RRM2B: variants seen among roughly 807,000 people sequenced by gnomAD.
RRM2B encodes the protein ribonucleoside-diphosphate reductase subunit M2 B.
Under a neutral mutation model 45.9 loss-of-function variants are expected in RRM2B, and 20 were observed. The observed-to-expected ratio is 0.44, with a 90% CI of 0.31 to 0.63. The LOEUF (loss-of-function observed/expected upper bound fraction) is 0.63. Among genes scored for constraint, RRM2B ranks in the 30% least tolerant of loss-of-function variants. RRM2B has a pLI of 0.09. For missense variants in RRM2B, 320 were observed against 414.7 expected, an observed-to-expected ratio of 0.77 and a Z score of 1.98; for synonymous variants, 124 against 132.3, an observed-to-expected ratio of 0.94 and a Z score of 0.43.
At position 102,213,916 on chromosome 8, in the gene RRM2B, T is replaced by C. The variant is rs1016366789; in HGVS notation, c.789+138A>G. 8 of 684,688 alleles carry C rather than the reference T, an allele frequency of 1.2e-5. No individual in the cohort carries two copies. The East Asian group carries it at 1.6e-4, about 14-fold the overall frequency. 42.4% of individuals were successfully genotyped at this position (684,688 alleles called of 1,614,324 possible). Reference sequence around the variant, plus strand: ...GACATAATAATTGTAATATATCATGTATTGGTATTGTCAGGCTGACCAGAA... The same window carrying C: ...GACATAATAATTGTAATATATCATGCATTGGTATTGTCAGGCTGACCAGAA... On this transcript the variant is annotated intron_variant, in intron 7 of 8. Transcript: ENST00000251810.
At chr8:102,238,606 A>G (rs1811167977) in intron 1 of RRM2B, 1 of 1,527,964 alleles carries the variant, frequency 6.5e-7, no homozygotes, top group East Asian at 2.5e-5. Context: ...CCCGGGGCAG[A>G]GCAGCGAGCG....
chr8:102,220,861 A>G (rs1202007899), intron 5 of RRM2B, among the ~76,000 whole-genome samples: 1 of 152,208 alleles, frequency 6.6e-6, no homozygotes, highest in African/African-American at 2.4e-5. Context: ...ACATTTTACA[A>G]TTTTTTGAGA....
intron 6 of RRM2B, among the ~76,000 whole-genome samples, chr8:102,216,062 A>C (rs2132547097): frequency 6.6e-6 from 1 of 152,102 alleles, no homozygotes; most frequent in African/African-American, 2.4e-5. Context: ...AAACTATAAT[A>C]ATTAAAATGG....
At position 102,224,933 on chromosome 8, in the gene RRM2B, T is replaced by C; in HGVS notation, c.407A>G (p.Glu136Gly). 1 of 1,613,944 alleles carries C rather than the reference T, an allele frequency of 6.2e-7. No individual in the cohort carries two copies. Among genetic ancestry groups the C allele is most frequent in the Non-Finnish European group, 8.5e-7 (1 of 1,179,818 alleles). Reference protein sequence around the residue: ...FQILIENVHSEMYSLLIDTYI... With the variant: ...FQILIENVHSGMYSLLIDTYI... The stretch of plus-strand genomic sequence containing the variant: ...AGTGTCTATCAGCAAACTGTACATC[T>C]CTGAGTGAACATTCTCGATGAGAAT... Residue 136 changes from glutamate to glycine, a missense_variant, in exon 4 of 9, where the codon GAG (glutamate) becomes GGG (glycine). Transcript: ENST00000251810.
intron 1 of RRM2B, chr8:102,238,386 G>A: frequency 4.5e-6 from 2 of 442,742 alleles, no homozygotes. Context: ...AGCCACCTGT[G>A]TCAATTTCCA....
intron 2 of RRM2B, among the ~76,000 whole-genome samples, chr8:102,230,325 A>C (rs986079294): frequency 1.1e-4 from 16 of 152,262 alleles, no homozygotes. Flanking sequence ...CAGAACACGT[A>C]CCAACCTGTA....
intron 6 of RRM2B, among the ~76,000 whole-genome samples, chr8:102,217,327 T>C (rs1364121600): frequency 6.6e-6 from 1 of 152,048 alleles, no homozygotes; most frequent in Non-Finnish European, 1.5e-5. Context: ...AAACAGTAAA[T>C]GTAGTTCTCT....
chr8:102,212,976 C>G (rs1354999353), intron 7 of RRM2B, 87 bp from the exon 8 acceptor site: 2 of 750,428 alleles, frequency 2.7e-6, no homozygotes, highest in Non-Finnish European at 4.8e-6. Context: ...CGTTTTATTT[C>G]TAAGACTGAT....
intron 4 of RRM2B, among the ~76,000 whole-genome samples, 186 bp downstream of exon 4, chr8:102,224,699 A>G (rs1810896350): frequency 6.6e-6 from 1 of 152,212 alleles, no homozygotes; most frequent in Non-Finnish European, 1.5e-5. Flanking sequence ...TAAAATATCT[A>G]AAGGTTAACT....
chr8:102,222,080 A>ATT (rs5893602), intron 5 of RRM2B, among the ~76,000 whole-genome samples: 17 of 143,382 alleles, frequency 1.2e-4, no homozygotes, highest in Non-Finnish European at 1.5e-4. Flanking sequence ...TCCTATTTAA[A>ATT]TTTTTTTTTT....
chr8:102,218,921 C>G lies in RRM2B; in HGVS notation c.577G>C (p.Val193Leu). ...FGERVVAFAA[V>L]EGVFFSGSFA... ...GATCCTGAGAAGAAAACTCCTTCTA[C>G]AGCAGCAAAGGCCACCACTCTTTCC... The change falls in exon 6 of 9, where the codon GTA becomes CTA. Residue 193 changes from valine (V) to leucine (L), a missense_variant. Coordinates refer to ENST00000251810, the MANE Select transcript of RRM2B (RefSeq NM_015713.5). The G allele has an allele frequency of 6.2e-7, 1 of 1,612,968 alleles. No individual in the cohort carries two copies. Among genetic ancestry groups the G allele is most frequent in the Non-Finnish European group, 8.5e-7 (1 of 1,179,282 alleles).
In RRM2B at chr8:102,208,082, G is replaced by T. The variant is rs537633418; in HGVS notation, c.*51C>A. ...AATTTTTTTTAAGCAGAGGAAAATAGACTACTATTTACCAATGACAAGTTT... is the reference window on the plus strand; with the variant it reads ...AATTTTTTTTAAGCAGAGGAAAATATACTACTATTTACCAATGACAAGTTT... On this transcript the variant is annotated 3_prime_UTR_variant, in exon 9 of 9. Transcript: ENST00000251810. 55 of 1,505,826 alleles carry T rather than the reference G, an allele frequency of 3.7e-5. No homozygotes were observed. The South Asian group carries it at 6.0e-4, about 16-fold the overall frequency. The allele number at this position is 1,505,826 out of a possible 1,614,324, so 93.3% of individuals were successfully genotyped here.
At chr8:102,225,449 G>A (rs1390114214) in intron 3 of RRM2B, among the ~76,000 whole-genome samples, 1 of 151,916 alleles carries the variant, frequency 6.6e-6, no homozygotes, top group Admixed American at 6.6e-5. Flanking sequence ...GGCCAGGATG[G>A]TCTCAATCTC....
chr8:102,213,403 A>G (rs1339462963), intron 7 of RRM2B, among the ~76,000 whole-genome samples: 2 of 152,178 alleles, frequency 1.3e-5, no homozygotes, highest in African/African-American at 4.8e-5. Flanking sequence ...AGGAAAAATA[A>G]AAATATATTA....
intron 8 of RRM2B, among the ~76,000 whole-genome samples, chr8:102,209,413 T>C (rs994352267): frequency 2.0e-5 from 3 of 152,164 alleles, no homozygotes; most frequent in African/African-American, 7.2e-5. Context: ...ATTAGAGACA[T>C]GCAAATCAAG....
rs111489051 is a variant in RRM2B, at chr8:102,213,750, A to AC, written c.789+303_789+304insG. 0.11 allele frequency among the ~76,000 whole-genome samples: 16,179 copies of AC among 152,192 alleles called. 899 individuals carry two copies. The highest frequency in any genetic ancestry group is 0.15 in the Middle Eastern group (45 of 292). On this transcript the variant is annotated intron_variant, in intron 7 of 8. Coordinates refer to ENST00000251810, the MANE Select transcript of RRM2B (RefSeq NM_015713.5). The stretch of plus-strand genomic sequence containing the variant: ...CTCCAGTCACTAAAAATGTAAAAAA[A>AC]AAAGCTACTATAATTAGCTGATCAT...
chr8:102,233,014 C>G (rs1250795215), intron 1 of RRM2B, among the ~76,000 whole-genome samples: 1 of 152,178 alleles, frequency 6.6e-6, no homozygotes, highest in Non-Finnish European at 1.5e-5. Context: ...TGGTGCCATG[C>G]ATATATTTTT....
chr8:102,215,693 C>G (rs963243539), intron 6 of RRM2B, among the ~76,000 whole-genome samples: 1 of 151,672 alleles, frequency 6.6e-6, no homozygotes, highest in Non-Finnish European at 1.5e-5. Context: ...TGCCTGTAAT[C>G]CCAGCACTTT....
At chr8:102,210,443 T>C (rs550843269) in intron 8 of RRM2B, among the ~76,000 whole-genome samples, 1 of 152,028 alleles carries the variant, frequency 6.6e-6, no homozygotes, top group African/African-American at 2.4e-5. Flanking sequence ...AAAAACAAAC[T>C]AAATTAAGTG....
Sources: allele counts gnomAD v4.1 joint callset (sites outside exome capture counted in the v4.1 genomes callset), GRCh38; gene constraint gnomAD v4.1.1; transcripts MANE v1.5; gene names NCBI Gene and HGNC (gene_info 2026-07-23, HGNC 2026-07-21).